Variants in CHODL observed in about 807,000 individuals in gnomAD.
CHODL encodes the protein transmembrane protein MT75.
In CHODL, 29 loss-of-function variants were observed where a neutral mutation model predicts 34.5. That is an observed-to-expected ratio of 0.84 (90% CI 0.63 to 1.15). The LOEUF is 1.15. CHODL is among the 50% of genes most tolerant of loss of function. CHODL has a pLI of 0.00. For synonymous variants in CHODL, 125 were observed against 116.1 expected, an observed-to-expected ratio of 1.08 and a Z score of -0.49; for missense variants, 332 against 332.5, an observed-to-expected ratio of 1.00 and a Z score of 0.01.
intron 2 of CHODL, among the ~76,000 whole-genome samples, chr21:18,129,647 A>T (rs1193255616): frequency 2.6e-5 from 4 of 152,202 alleles, no homozygotes; most frequent in Admixed American, 1.3e-4. Flanking sequence ...ACAGATCCTC[A>T]ACTAAAGCAG....
chr21:18,132,249 G>A (rs1469063549), intron 2 of CHODL, among the ~76,000 whole-genome samples: 2 of 151,914 alleles, frequency 1.3e-5, no homozygotes, highest in East Asian at 3.9e-4. Flanking sequence ...AATGGCATGG[G>A]GAAAATTGTG....
intron 1 of CHODL, among the ~76,000 whole-genome samples, chr21:17,938,504 A>C (rs1404853846): frequency 1.5e-5 from 1 of 68,146 alleles, no homozygotes; most frequent in South Asian, 5.0e-4. Flanking sequence ...AAGGAAAGGG[A>C]GTCTCGCTCC....
intron 2 of CHODL, among the ~76,000 whole-genome samples, chr21:18,099,094 G>T (rs1002532712): frequency 6.6e-6 from 1 of 152,014 alleles, no homozygotes; most frequent in Non-Finnish European, 1.5e-5. Context: ...TAGTGGGGTG[G>T]AAGGACTGTA....
rs74373290 is a variant in CHODL at position 18,037,386 on chromosome 21, T to C, written c.-45+9415T>C. Among the ~76,000 whole-genome samples the C allele has an allele frequency of 6.8e-3, 1,041 of 152,036 alleles. 13 individuals are homozygous for C. The highest frequency in any genetic ancestry group is 0.024 in the African/African-American group (979 of 41,534). On this transcript the variant is annotated intron_variant, in intron 2 of 6. Coordinates refer to the CHODL transcript ENST00000400127. ...TCTCAAAAGTCTTCTAAAATGAAGA[T>C]GGGATAGATCCTAAAATGGTAGAGT...
At chr21:18,181,267 T>C (rs2073378094) in intron 2 of CHODL, among the ~76,000 whole-genome samples, 1 of 151,856 alleles carries the variant, frequency 6.6e-6, no homozygotes, top group Non-Finnish European at 1.5e-5. Flanking sequence ...AACTCACATA[T>C]AAAAATCACC....
intron 2 of CHODL, among the ~76,000 whole-genome samples, chr21:18,159,821 C>A (rs943650807): frequency 6.6e-6 from 1 of 152,152 alleles, no homozygotes; most frequent in African/African-American, 2.4e-5. Flanking sequence ...GAGAAGGATT[C>A]GACCTGCTGG....
chr21:18,137,224 T>G (rs2072744611), intron 2 of CHODL, among the ~76,000 whole-genome samples: 1 of 152,208 alleles, frequency 6.6e-6, no homozygotes, highest in Admixed American at 6.5e-5. Context: ...CTTCTCCTCC[T>G]GATTTCTGAT....
intron 2 of CHODL, among the ~76,000 whole-genome samples, chr21:18,146,168 G>A (rs1441777382): frequency 6.7e-6 from 1 of 148,962 alleles, no homozygotes; most frequent in Non-Finnish European, 1.5e-5. Context: ...TAGTAGAGAC[G>A]GGCTTTCACC....
At position 18,167,908 on chromosome 21, in the gene CHODL, G is replaced by A. The variant is rs552888119; in HGVS notation, c.-44-88601G>A. On this transcript the variant is annotated intron_variant, in intron 2 of 6. Coordinates refer to the CHODL transcript ENST00000400127. ...ATTAATATTTGAGTCAGTGGACTGGGAGAGGCAGACTCACCCTCAATCTGG... is the reference window on the plus strand; with the variant it reads ...ATTAATATTTGAGTCAGTGGACTGGAAGAGGCAGACTCACCCTCAATCTGG... Among the ~76,000 whole-genome samples, 3 of 152,270 alleles carry A rather than the reference G, an allele frequency of 2.0e-5. No homozygotes were observed. The East Asian group carries it at 5.8e-4, about 29-fold the overall frequency.
rs772898685 is a variant in CHODL, at chr21:17,955,840, G to A, written c.-145+38440G>A. On this transcript the variant is annotated intron_variant, in intron 1 of 6. Coordinates refer to the CHODL transcript ENST00000400127. ...TCACTTACTAATTCTGTGGTTAGAT[G>A]TCTTCAATCCTTTATTTGTCAATAA... is the stretch of plus-strand genomic sequence containing the variant. Among the ~76,000 whole-genome samples, 9 of 136,808 alleles carry A rather than the reference G, an allele frequency of 6.6e-5. 1 individual carries two copies. Among genetic ancestry groups the A allele is most frequent in the Non-Finnish European group, 1.7e-5 (1 of 60,236 alleles). The allele number at this position is 136,808 out of a possible 152,430, so 89.8% of individuals were successfully genotyped here.
intron 2 of CHODL, among the ~76,000 whole-genome samples, chr21:18,063,824 G>A (rs1238820419): frequency 6.6e-6 from 1 of 151,982 alleles, no homozygotes; most frequent in Non-Finnish European, 1.5e-5. Context: ...GCCAAACTTA[G>A]CTGGTATCTA....
At chr21:18,098,860 G>A (rs1467234117) in intron 2 of CHODL, among the ~76,000 whole-genome samples, 3 of 152,086 alleles carry the variant, frequency 2.0e-5, no homozygotes, top group South Asian at 2.1e-4. Context: ...AAAGGAACAC[G>A]TGGTACATAC....
intron 2 of CHODL, among the ~76,000 whole-genome samples, chr21:18,223,954 T>C (rs1477747000): frequency 6.6e-6 from 1 of 152,196 alleles, no homozygotes; most frequent in East Asian, 1.9e-4. Flanking sequence ...GTGTTAGCGA[T>C]AGAGTAAGAG....
At chr21:18,218,022 G>T (rs1390400438) in intron 2 of CHODL, among the ~76,000 whole-genome samples, 1 of 152,154 alleles carries the variant, frequency 6.6e-6, no homozygotes, top group Non-Finnish European at 1.5e-5. Context: ...TCCCACTCTG[G>T]GCTGCTTTCA....
chr21:18,065,636 A>G (rs1261321778), intron 2 of CHODL, among the ~76,000 whole-genome samples: 1 of 152,194 alleles, frequency 6.6e-6, no homozygotes, highest in Non-Finnish European at 1.5e-5. Context: ...ACAGAGCATC[A>G]TCATATTAAA....
At chr21:17,970,261 A>G (rs2063603971) in intron 1 of CHODL, among the ~76,000 whole-genome samples, 1 of 152,178 alleles carries the variant, frequency 6.6e-6, no homozygotes, top group Admixed American at 6.5e-5. Flanking sequence ...AACTCTATTT[A>G]CATTTCTTAA....
intron 2 of CHODL, among the ~76,000 whole-genome samples, chr21:18,164,636 A>G (rs1394899364): frequency 6.6e-6 from 1 of 152,184 alleles, no homozygotes; most frequent in African/African-American, 2.4e-5. Flanking sequence ...GGATTAAACG[A>G]GAAATATCCT....
In CHODL at chr21:17,965,946, G is replaced by C. The variant is rs538077634; in HGVS notation, c.-145+48546G>C. On this transcript the variant is annotated intron_variant, in intron 1 of 6. Coordinates refer to the CHODL transcript ENST00000400127. ...TTTTTTTAAACAGGGGACTTATTTTGGCAATAGAAAACTGAGCTGGATGGA... is the reference window on the plus strand; with the variant it reads ...TTTTTTTAAACAGGGGACTTATTTTCGCAATAGAAAACTGAGCTGGATGGA... Among the ~76,000 whole-genome samples the C allele has an allele frequency of 2.4e-3, 340 of 142,772 alleles. 1 individual carries two copies. The highest frequency in any genetic ancestry group is 8.0e-3 in the African/African-American group (313 of 39,178). The allele number at this position is 142,772 out of a possible 152,430, so 93.7% of individuals were successfully genotyped here.
chr21:17,959,365 A>G (rs1249942886), intron 1 of CHODL, among the ~76,000 whole-genome samples: 1 of 152,106 alleles, frequency 6.6e-6, no homozygotes, highest in Non-Finnish European at 1.5e-5. Flanking sequence ...GTATTTCTCA[A>G]TGTCTGTTGT....
Sources: gnomAD v4.1 joint callset for allele counts (sites outside exome capture counted in the v4.1 genomes callset) on GRCh38, gnomAD v4.1.1 for gene constraint, MANE v1.5 for transcripts, NCBI Gene and HGNC (gene_info 2026-07-23, HGNC 2026-07-21) for gene names.